Variants in TENM4 observed in about 807,000 individuals in gnomAD.
The protein encoded by TENM4 is teneurin-4.
Under a neutral mutation model 243.3 loss-of-function variants are expected in TENM4, and 82 were observed. The observed-to-expected ratio is 0.34, with a 90% CI of 0.28 to 0.40. The LOEUF is 0.40. TENM4 is among the 10% of genes least tolerant of loss of function. The probability of loss-of-function intolerance (pLI) is 1.00; values close to 1 mark genes in which losing one functional copy is unlikely to be tolerated. For synonymous variants in TENM4, 1,412 were observed against 1,456.3 expected (o/e 0.97, Z 0.69); for missense variants, 3,138 against 3,673.3 (o/e 0.85, Z 3.77).
intron 14 of TENM4, among the ~76,000 whole-genome samples, chr11:78,807,531 T>C (rs773962093): frequency 1.2e-4 from 18 of 152,364 alleles, no homozygotes; most frequent in Non-Finnish European, 2.4e-4. Flanking sequence ...CCAGTTCATA[T>C]GGAAAGTGCA....
intron 12 of TENM4, among the ~76,000 whole-genome samples, chr11:78,840,510 A>C (rs913131940): frequency 6.6e-6 from 1 of 152,124 alleles, no homozygotes; most frequent in African/African-American, 2.4e-5. Flanking sequence ...TTCATATAAC[A>C]CTCATTGTGC....
intron 14 of TENM4, among the ~76,000 whole-genome samples, chr11:78,810,362 G>C (rs1447928794): frequency 6.6e-6 from 1 of 152,118 alleles, no homozygotes; most frequent in Non-Finnish European, 1.5e-5. Context: ...GCAGCTCTGG[G>C]GTGCTGTGCG....
chr11:79,196,300 G>C (rs898156720), intron 3 of TENM4, among the ~76,000 whole-genome samples: 8 of 151,914 alleles, frequency 5.3e-5, no homozygotes, highest in Admixed American at 4.6e-4. Flanking sequence ...AGGCCCTGCT[G>C]CTCCTTAGCT....
intron 1 of TENM4, among the ~76,000 whole-genome samples, chr11:79,405,829 C>T (rs1334378784): frequency 1.5e-5 from 2 of 132,172 alleles, no homozygotes; most frequent in Non-Finnish European, 3.1e-5. Context: ...TCTAATTTCT[C>T]TGAATGCATT....
At chr11:78,765,839 G>C (rs933136814) in intron 18 of TENM4, among the ~76,000 whole-genome samples, 3 of 152,168 alleles carry the variant, frequency 2.0e-5, no homozygotes, top group African/African-American at 4.8e-5. Flanking sequence ...AATGGCTGCT[G>C]TTTTCCTTTA....
intron 6 of TENM4, among the ~76,000 whole-genome samples, chr11:79,003,656 A>G (rs1036392770): frequency 6.0e-4 from 91 of 152,160 alleles, no homozygotes; most frequent in African/African-American, 2.2e-3. Flanking sequence ...GGGAGTGCTA[A>G]ATATGGAAAG....
At chr11:79,246,734 T>C (rs1173549788) in intron 2 of TENM4, among the ~76,000 whole-genome samples, 1 of 152,102 alleles carries the variant, frequency 6.6e-6, no homozygotes, top group Middle Eastern at 3.2e-3. Context: ...TCTGGATACA[T>C]ATACTTAGAT....
chr11:79,317,382 T>C (rs1856819989), intron 1 of TENM4, among the ~76,000 whole-genome samples: 1 of 151,964 alleles, frequency 6.6e-6, no homozygotes. Flanking sequence ...AAGGTAATTT[T>C]TTCTGGGAAG....
chr11:78,798,595 C>A (rs1158778930), intron 15 of TENM4, among the ~76,000 whole-genome samples: 1 of 152,162 alleles, frequency 6.6e-6, no homozygotes, highest in African/African-American at 2.4e-5. Flanking sequence ...CAGCATTCAG[C>A]GGGCTCCGAG....
chr11:79,040,840 A>G (rs1281187512), intron 6 of TENM4, among the ~76,000 whole-genome samples: 1 of 152,118 alleles, frequency 6.6e-6, no homozygotes, highest in Non-Finnish European at 1.5e-5. Context: ...TGTGCATAAG[A>G]AGCACCTGGG....
At chr11:78,667,556 A>C (rs1025583921) in intron 32 of TENM4, among the ~76,000 whole-genome samples, 1 of 152,158 alleles carries the variant, frequency 6.6e-6, no homozygotes, top group African/African-American at 2.4e-5. Context: ...GACTTCCCAG[A>C]ATGCTCTGGG....
rs572677172 is a variant in TENM4, at chr11:78,771,318, G to C, written c.2393-180C>G. Among the ~76,000 whole-genome samples, 3 of 152,304 alleles carry C rather than the reference G, an allele frequency of 2.0e-5. No individual in the cohort carries two copies. The South Asian group carries it at 6.2e-4, about 32-fold the overall frequency. On this transcript the variant is annotated intron_variant, in intron 17 of 33. Transcript: ENST00000278550. ...GCCACTTTACAGAGAAGGCAACTGA[G>C]GCTCAGAGAGGTGAAAGGACTTGCC...
At chr11:79,231,859 C>T (rs777707437) in intron 2 of TENM4, among the ~76,000 whole-genome samples, 5 of 152,112 alleles carry the variant, frequency 3.3e-5, no homozygotes, top group Admixed American at 6.6e-5. Flanking sequence ...GCAGGGAGAT[C>T]ACTTGAGGTC....
chr11:78,748,731 A>G (rs1047032401), intron 19 of TENM4, among the ~76,000 whole-genome samples: 22 of 152,328 alleles, frequency 1.4e-4, no homozygotes, highest in East Asian at 3.9e-4. Flanking sequence ...TCCCTATATC[A>G]TAGGGTCTGC....
chr11:79,080,510 C>A (rs1036316518), intron 4 of TENM4, among the ~76,000 whole-genome samples: 2 of 152,192 alleles, frequency 1.3e-5, no homozygotes, highest in Non-Finnish European at 2.9e-5. Flanking sequence ...AAGATGATCC[C>A]GTTTGCTGGC....
intron 6 of TENM4, among the ~76,000 whole-genome samples, chr11:78,917,607 C>G (rs910621992): frequency 6.6e-6 from 1 of 152,058 alleles, no homozygotes; most frequent in Non-Finnish European, 1.5e-5. Flanking sequence ...TCCTGAAGTC[C>G]TCTCCAAAGT....
intron 3 of TENM4, among the ~76,000 whole-genome samples, chr11:79,150,333 C>T (rs1033550425): frequency 3.9e-5 from 6 of 152,130 alleles, no homozygotes; most frequent in Non-Finnish European, 7.4e-5. Flanking sequence ...GGTGCCAGAA[C>T]ATCAGTCTTG....
intron 4 of TENM4, among the ~76,000 whole-genome samples, chr11:79,110,143 A>G (rs549697564): frequency 1.3e-5 from 2 of 152,328 alleles, no homozygotes; most frequent in South Asian, 2.1e-4. Flanking sequence ...GTTGCCAGGA[A>G]ACTTTGTGCA....
chr11:79,249,774 G>T (rs1054525734), intron 2 of TENM4, among the ~76,000 whole-genome samples: 1 of 152,130 alleles, frequency 6.6e-6, no homozygotes, highest in African/African-American at 2.4e-5. Context: ...ACTCTCTGCT[G>T]GTTTCCCCAT....
Sources: allele counts gnomAD v4.1 joint callset (sites outside exome capture counted in the v4.1 genomes callset), GRCh38; gene constraint gnomAD v4.1.1; transcripts MANE v1.5; gene names NCBI Gene and HGNC (gene_info 2026-07-23, HGNC 2026-07-21).